SYTL5: variants seen among roughly 807,000 people sequenced by gnomAD.
The protein encoded by SYTL5 is synaptotagmin like 5.
SYTL5 carries 34 observed loss-of-function variants against 55.9 expected under a neutral mutation model. The ratio of observed to expected loss-of-function variants is 0.61; its 90% CI spans 0.46 to 0.81. The LOEUF is 0.81. Among genes scored for constraint, SYTL5 ranks in the 30% least tolerant of loss-of-function variants. The pLI is 0.00. For synonymous variants in SYTL5, 221 were observed against 188.7 expected (o/e 1.17, Z -1.40); for missense variants, 637 against 546.7 (o/e 1.17, Z -1.65).
chrX:38,022,466 T>C (rs1029176649), intron 1 of SYTL5, among the ~76,000 whole-genome samples: 1 of 112,116 alleles, frequency 8.9e-6, no homozygotes, highest in Non-Finnish European at 1.9e-5. Flanking sequence ...CAGGAGAATC[T>C]GTTTCCTTGT....
intron 13 of SYTL5, among the ~76,000 whole-genome samples, chrX:38,117,324 G>A (rs184566631): frequency 0.015 from 1,650 of 111,345 alleles, 33 homozygotes; most frequent in African/African-American, 0.051. Flanking sequence ...ATATTTATAC[G>A]GGGTCTACAG....
At chrX:38,002,561 C>G (rs1414065339), upstream of SYTL5, among the ~76,000 whole-genome samples, 2 of 112,004 alleles carry the variant, frequency 1.8e-5, no homozygotes, top group African/African-American at 6.5e-5. Context: ...GCCATTCTAA[C>G]TGGTGTGAGA....
At chrX:38,116,014 A>G (rs1347143024) in intron 13 of SYTL5, among the ~76,000 whole-genome samples, 1 of 111,468 alleles carries the variant, frequency 9.0e-6, no homozygotes, top group Non-Finnish European at 1.9e-5. Flanking sequence ...AAAATTTCCC[A>G]GACCTATGTT....
the SYTL5 span, among the ~76,000 whole-genome samples, chrX:37,978,361 G>A: frequency 9.0e-6 from 1 of 111,650 alleles, no homozygotes; most frequent in African/African-American, 3.3e-5. Context: ...AAGACAGGTG[G>A]TGAGGGGGAG....
At chrX:37,896,072 T>A in the SYTL5 span, among the ~76,000 whole-genome samples, 1 of 112,325 alleles carries the variant, frequency 8.9e-6, no homozygotes, top group African/African-American at 3.2e-5. Context: ...AATACATTGT[T>A]CTATTAAAAC....
intron 10 of SYTL5, chrX:38,103,171 T>C (rs1486281508): frequency 2.9e-6 from 2 of 694,932 alleles, no homozygotes; most frequent in Non-Finnish European, 4.3e-6. Flanking sequence ...GATTAAGCAA[T>C]TTGTCCCACA....
At chrX:37,899,579 G>A in the SYTL5 span, among the ~76,000 whole-genome samples, 1 of 111,593 alleles carries the variant, frequency 9.0e-6, no homozygotes, top group Non-Finnish European at 1.9e-5. Flanking sequence ...CTTAGAACCA[G>A]ACACTCCAGT....
chrX:38,108,749 C>T (rs771671041), intron 12 of SYTL5, 50 bp downstream of exon 12: 3 of 817,040 alleles, frequency 3.7e-6, no homozygotes, highest in Non-Finnish European at 5.4e-6. Context: ...TTCACAACTT[C>T]AATGGTTTAG....
intron 1 of SYTL5, chrX:38,023,932 A>G (rs1436149915): frequency 2.7e-5 from 3 of 109,185 alleles, no homozygotes; most frequent in African/African-American, 1.0e-4. Context: ...TGCAGTTTTT[A>G]CCATTAAAAG....
At chrX:38,026,034 G>A (rs1018427227) in intron 1 of SYTL5, among the ~76,000 whole-genome samples, 4 of 112,881 alleles carry the variant, frequency 3.5e-5, no homozygotes, top group African/African-American at 9.7e-5. Flanking sequence ...CTGGAAGGAA[G>A]TGAGATTGAG....
intron 2 of SYTL5, among the ~76,000 whole-genome samples, chrX:38,037,723 G>GT (rs1935146525): frequency 9.0e-6 from 1 of 111,038 alleles, no homozygotes; most frequent in Non-Finnish European, 1.9e-5. Flanking sequence ...ACCTAAATCA[G>GT]TTCAGGGTAC....
chrX:37,904,671 C>G, the SYTL5 span, among the ~76,000 whole-genome samples: 1 of 110,720 alleles, frequency 9.0e-6, no homozygotes, highest in African/African-American at 3.3e-5. Flanking sequence ...CCTACGCATC[C>G]AATTATGGGG....
At chrX:37,986,079 A>G in the SYTL5 span, among the ~76,000 whole-genome samples, 1 of 112,233 alleles carries the variant, frequency 8.9e-6, no homozygotes, top group Non-Finnish European at 1.9e-5. Flanking sequence ...TAGGAAAAAA[A>G]TCTTCATGAC....
the SYTL5 span, among the ~76,000 whole-genome samples, chrX:37,977,743 CACACGAA>C: frequency 1.0e-5 from 1 of 98,386 alleles, no homozygotes; most frequent in Non-Finnish European, 2.0e-5. Context: ...CACACACACA[CACACGAA>C]GAGGGTATGA....
At chrX:38,114,432 T>C (rs1373921089) in intron 13 of SYTL5, among the ~76,000 whole-genome samples, 1 of 112,116 alleles carries the variant, frequency 8.9e-6, no homozygotes, top group Non-Finnish European at 1.9e-5. Flanking sequence ...ACTTTCTGTA[T>C]AGTAGAAACC....
chrX:37,990,957 C>T, the SYTL5 span: 16 of 1,210,108 alleles, frequency 1.3e-5, no homozygotes, highest in Admixed American at 4.4e-5. Context: ...GCAAGATGAA[C>T]GAGACGTCCA....
At chrX:38,017,162 C>T (rs1934381927) in intron 1 of SYTL5, among the ~76,000 whole-genome samples, 1 of 111,667 alleles carries the variant, frequency 9.0e-6, no homozygotes, top group East Asian at 2.8e-4. Context: ...CCCATTGCTA[C>T]AAGGCCCGCA....
chrX:38,116,531 A>G (rs1175797947), intron 13 of SYTL5, among the ~76,000 whole-genome samples: 1 of 112,570 alleles, frequency 8.9e-6, no homozygotes, highest in East Asian at 2.8e-4. Context: ...CTTTTCTCAA[A>G]TGAAACAAGA....
At chrX:38,080,296 G>T (rs1936498564) in intron 6 of SYTL5, among the ~76,000 whole-genome samples, 1 of 112,128 alleles carries the variant, frequency 8.9e-6, no homozygotes, top group Admixed American at 9.5e-5. Context: ...AATGGAGGAA[G>T]AATGATGCTG....
Sources: gnomAD v4.1 joint callset for allele counts (sites outside exome capture counted in the v4.1 genomes callset) on GRCh38, gnomAD v4.1.1 for gene constraint, MANE v1.5 for transcripts, NCBI Gene and HGNC (gene_info 2026-07-23, HGNC 2026-07-21) for gene names.